The following OR2A25 variants were observed in gnomAD, a reference collection of about 807,000 sequenced individuals.
The protein encoded by OR2A25 is olfactory receptor family 2 subfamily A member 25, also known as olfactory receptor 2A25.
For synonymous variants in OR2A25, 162 were observed against 148.1 expected (o/e 1.09, Z -0.68); for missense variants, 362 against 368.3 (o/e 0.98, Z 0.14).
chr7:144,074,000 TATA>T (rs1352077787), intron 1 of OR2A25, among the ~76,000 whole-genome samples: 1 of 151,826 alleles, frequency 6.6e-6, no homozygotes, highest in African/African-American at 2.4e-5. Context: ...TAATGAATAC[TATA>T]ATATCATACT....
At chr7:144,071,972 A>T (rs748256935) in intron 1 of OR2A25, among the ~76,000 whole-genome samples, 3 of 152,104 alleles carry the variant, frequency 2.0e-5, no homozygotes, top group Non-Finnish European at 4.4e-5. Flanking sequence ...ATGAATTAAA[A>T]CACTCACTGA....
Position 144,075,220 on chromosome 7 carries a change from C to T in OR2A25, c.*68C>T. On this transcript the variant is annotated 3_prime_UTR_variant, in exon 2 of 2. Transcript: ENST00000641663. ...GAGATTACATCTGAACCCATCCCTA[C>T]TCAGGATACATAATCACACTCTAGA... is the stretch of plus-strand genomic sequence containing the variant. 2 of 1,116,176 alleles carry T rather than the reference C, an allele frequency of 1.8e-6. No individual in the cohort carries two copies. The highest frequency in any genetic ancestry group is 2.6e-6 in the Non-Finnish European group (2 of 768,028). 69.1% of individuals were successfully genotyped at this position (1,116,176 alleles called of 1,614,324 possible). A position where few individuals can be genotyped will look rare whatever the true frequency, so the allele number is the denominator to read the frequency against.
Position 144,074,447 on chromosome 7 carries a change from G to A in OR2A25, c.228G>A (p.Thr76=), listed in dbSNP as rs191262337. The A allele has an allele frequency of 5.5e-5, 88 of 1,614,130 alleles. No homozygotes were observed. In the East Asian group the frequency reaches 1.8e-3, roughly 33 times the overall value. The change falls in exon 2 of 2, where the codon ACG becomes ACA. Residue 76 remains threonine (T), a synonymous_variant. Transcript: ENST00000641663. ...AVVDIACACS[T]VPQMLVNLLH... The stretch of plus-strand genomic sequence containing the variant: ...TCGACATCGCCTGTGCTTGCAGCAC[G>A]GTGCCCCAGATGCTGGTGAACCTCC...
At chr7:144,074,051 G>A (rs1164994661) in intron 1 of OR2A25, 165 bp from the exon 2 acceptor site, 1 of 637,722 alleles carries the variant, frequency 1.6e-6, no homozygotes, top group Non-Finnish European at 2.8e-6. Flanking sequence ...ATGTCCTTGT[G>A]CTTCATTTGT....
In OR2A25 at chr7:144,074,683, C is replaced by T. The variant is rs759833587; in HGVS notation, c.464C>T (p.Ala155Val). ...TCCTGGATTTTAGGAGTCTTATTGG[C>T]CCTTGTCCATCTAGTGTTACTGCTA... ...LTSWILGVLL[A>V]LVHLVLLLPL... Residue 155 changes from alanine (A) to valine (V), a missense_variant, in exon 2 of 2, where the codon GCC becomes GTC. Transcript: ENST00000641663. 1 of 1,614,080 alleles carries T rather than the reference C, an allele frequency of 6.2e-7. No individual in the cohort carries two copies. The highest frequency in any genetic ancestry group is 1.1e-5 in the South Asian group (1 of 91,082).
At position 144,075,008 on chromosome 7, in the gene OR2A25, T is replaced by A; in HGVS notation, c.789T>A (p.Tyr263Ter). The change falls in exon 2 of 2, where the codon TAT becomes TAA. Residue 263 changes from tyrosine (Y) to a stop codon, truncating the protein, a stop_gained. Transcript: ENST00000641663. LOFTEE classifies it low-confidence loss of function (END_TRUNC). The stretch of plus-strand genomic sequence containing the variant: ...TCATCATGTATGTTGAGCCCCAGTA[T>A]GAGAGCCCCAAGGAGCAGAAGAAAT... ...TAIIMYVEPQ[Y>*]ESPKEQKKYL... 6.2e-7 allele frequency: 1 copy of A among 1,614,176 alleles called. No homozygotes were observed.
intron 1 of OR2A25, among the ~76,000 whole-genome samples, chr7:144,072,738 T>A (rs899466440): frequency 6.6e-6 from 1 of 151,968 alleles, no homozygotes; most frequent in African/African-American, 2.4e-5. Context: ...ATTTCACTGC[T>A]GGGTATATAT....
rs372772009 is a variant in OR2A25, at chr7:144,075,118, T to C, written c.899T>C (p.Leu300Pro). 3.6e-5 allele frequency: 58 copies of C among 1,610,770 alleles called. No individual in the cohort carries two copies. Among genetic ancestry groups the C allele is most frequent in the Non-Finnish European group, 4.8e-5 (57 of 1,178,894 alleles). The change falls in exon 2 of 2, where the codon CTA becomes CCA. Residue 300 changes from leucine to proline, a missense_variant. By Grantham distance (98) the Leu-to-Pro change is moderately conservative (BLOSUM62 -3). Transcript: ENST00000641663. ...SLRNKEVQGT[L>P]KRMLEKKRTS ...AGGAACAAGGAAGTCCAAGGTACTC[T>C]AAAGAGGATGCTTGAAAAGAAGAGA...
chr7:144,071,891 C>T (rs1404321216), intron 1 of OR2A25, among the ~76,000 whole-genome samples: 1 of 152,066 alleles, frequency 6.6e-6, no homozygotes, highest in African/African-American at 2.4e-5. Context: ...TGGAAAGGAT[C>T]TTGGCATTCT....
At chr7:144,070,447 T>TA (rs2051057006) in intron 1 of OR2A25, 1 of 152,238 alleles carries the variant, frequency 6.6e-6, no homozygotes, top group African/African-American at 2.4e-5. Flanking sequence ...AGCACTGTAA[T>TA]AAAAAATCAC....
At position 144,074,977 on chromosome 7, in the gene OR2A25, C is replaced by T; in HGVS notation, c.758C>T (p.Thr253Ile). Reference sequence around the variant, plus strand: ...TGTGTGGTTGGACTCTTTTATGGCACAGCCATCATCATGTATGTTGAGCCC... The same window carrying T: ...TGTGTGGTTGGACTCTTTTATGGCATAGCCATCATCATGTATGTTGAGCCC... ...HLCVVGLFYGTAIIMYVEPQY... is the reference protein window; with the variant it reads ...HLCVVGLFYGIAIIMYVEPQY... Residue 253 changes from threonine (T) to isoleucine (I), a missense_variant, in exon 2 of 2, where the codon ACA (threonine) becomes ATA (isoleucine). Transcript: ENST00000641663. 2 of 1,614,156 alleles carry T rather than the reference C, an allele frequency of 1.2e-6. No individual in the cohort carries two copies. The highest frequency in any genetic ancestry group is 1.7e-6 in the Non-Finnish European group (2 of 1,180,024).
Position 144,074,547 on chromosome 7 carries a change from G to T in OR2A25, c.328G>T (p.Glu110Ter), listed in dbSNP as rs2051094528. 1 of 1,614,100 alleles carries T rather than the reference G, an allele frequency of 6.2e-7. No individual in the cohort carries two copies. The highest frequency in any genetic ancestry group is 8.5e-7 in the Non-Finnish European group (1 of 1,180,054). Reference sequence around the variant, plus strand: ...TCTGTTTTTGAGTTTTGCACATACAGAATGTCTCCTCCTGGTGGTGATGTC... The same window carrying T: ...TCTGTTTTTGAGTTTTGCACATACATAATGTCTCCTCCTGGTGGTGATGTC... ...MFLFLSFAHTECLLLVVMSYD... is the reference protein window; with the variant it reads ...MFLFLSFAHT Residue 110 changes from glutamate (E) to a stop codon, truncating the protein, a stop_gained, in exon 2 of 2, where the codon GAA becomes TAA. Coordinates refer to ENST00000641663, the MANE Select transcript of OR2A25 (RefSeq NM_001386096.1). LOFTEE classifies it low-confidence loss of function (END_TRUNC).
chr7:144,071,078 G>A (rs759796170), intron 1 of OR2A25, among the ~76,000 whole-genome samples: 5 of 151,634 alleles, frequency 3.3e-5, no homozygotes, highest in African/African-American at 1.2e-4. Context: ...ATTGACTATG[G>A]CCACCCTATT....
Position 144,075,313 on chromosome 7 carries a change from T to C in OR2A25, c.*161T>C, listed in dbSNP as rs2128800598. On this transcript the variant is annotated 3_prime_UTR_variant, in exon 2 of 2. Transcript: ENST00000641663. The stretch of plus-strand genomic sequence containing the variant: ...CGAGAAAGCCCATTCTGCTTTCCTC[T>C]CTCCAGCATTGAAGGTCGGAGCTGC... The C allele has an allele frequency of 5.0e-6, 3 of 595,424 alleles. No individual in the cohort carries two copies. Among genetic ancestry groups the C allele is most frequent in the East Asian group, 5.5e-5 (2 of 36,688 alleles). 36.9% of individuals were successfully genotyped at this position (595,424 alleles called of 1,614,324 possible).
rs1196963887 is a variant in OR2A25, at chr7:144,074,334, T to C, written c.115T>C (p.Leu39=). Residue 39 remains leucine, a synonymous_variant, in exon 2 of 2, where the codon TTG becomes CTG. Transcript: ENST00000641663. The part of the protein sequence containing the change: ...LFSLFYIFIL[L]GNGTILGLIS... ...CTCCCTGTTCTACATCTTCATTCTGTTGGGGAACGGGACAATCCTGGGGCT... is the reference window on the plus strand; with the variant it reads ...CTCCCTGTTCTACATCTTCATTCTGCTGGGGAACGGGACAATCCTGGGGCT... 3.7e-6 allele frequency: 6 copies of C among 1,613,914 alleles called. No individual in the cohort carries two copies. Among genetic ancestry groups the C allele is most frequent in the Admixed American group, 1.7e-5 (1 of 60,002 alleles).
intron 1 of OR2A25, among the ~76,000 whole-genome samples, chr7:144,073,580 C>G (rs1434890725): frequency 6.6e-6 from 1 of 152,110 alleles, no homozygotes; most frequent in Non-Finnish European, 1.5e-5. Context: ...CATAAGACAA[C>G]ACAAACAGAG....
At chr7:144,072,572 G>C (rs1230672213) in intron 1 of OR2A25, among the ~76,000 whole-genome samples, 1 of 152,050 alleles carries the variant, frequency 6.6e-6, no homozygotes, top group Non-Finnish European at 1.5e-5. Flanking sequence ...GAATACATTA[G>C]ACTAGAATAA....
rs1272648366 is a variant in OR2A25, at chr7:144,075,384, T to G, written c.*232T>G. ...TATACTAGCTGTATAGTGTACACAC[T>G]TTTAATATAATTATGTGAAATATTC... On this transcript the variant is annotated 3_prime_UTR_variant, in exon 2 of 2. Coordinates refer to ENST00000641663, the MANE Select transcript of OR2A25 (RefSeq NM_001386096.1). 2 of 356,180 alleles carry G rather than the reference T, an allele frequency of 5.6e-6. No homozygotes were observed. Among genetic ancestry groups the G allele is most frequent in the Non-Finnish European group, 1.0e-5 (2 of 197,974 alleles). The allele number at this position is 356,180 out of a possible 1,614,324, so 22.1% of individuals were successfully genotyped here. A position where few individuals can be genotyped will look rare whatever the true frequency, so the allele number is the denominator to read the frequency against.
rs2051102303 is a variant in OR2A25 at position 144,075,038 on chromosome 7, C to T, written c.819C>T (p.Leu273=). ...YESPKEQKKY[L]LLFHSLFNPM... is the part of the protein sequence containing the mutation. ...GCCCCAAGGAGCAGAAGAAATATCT[C>T]CTGCTGTTTCACAGCCTCTTCAATC... Residue 273 remains leucine (L), a synonymous_variant, in exon 2 of 2, where the codon CTC becomes CTT. Coordinates refer to ENST00000641663, the MANE Select transcript of OR2A25 (RefSeq NM_001386096.1). The T allele has an allele frequency of 5.0e-6, 8 of 1,613,410 alleles. No individual in the cohort carries two copies. The highest frequency in any genetic ancestry group is 6.8e-6 in the Non-Finnish European group (8 of 1,179,326).
Sources: gnomAD v4.1 joint callset for allele counts (sites outside exome capture counted in the v4.1 genomes callset) on GRCh38, gnomAD v4.1.1 for gene constraint, MANE v1.5 for transcripts, NCBI Gene and HGNC (gene_info 2026-07-23, HGNC 2026-07-21) for gene names.